The following CERCAM variants were observed in gnomAD, a reference collection of about 807,000 sequenced individuals.
CERCAM encodes inactive glycosyltransferase 25 family member 3.
CERCAM carries 59 observed loss-of-function variants against 66.0 expected under a neutral mutation model. The ratio of observed to expected loss-of-function variants is 0.89; its 90% CI spans 0.73 to 1.11. The LOEUF is 1.11. Among genes scored for constraint, CERCAM ranks in the 50% most tolerant of loss-of-function variants. The pLI is 0.00. For missense variants in CERCAM, 840 were observed against 828.3 expected, an observed-to-expected ratio of 1.01 and a Z score of -0.17; for synonymous variants, 318 against 343.6, an observed-to-expected ratio of 0.93 and a Z score of 0.83.
rs1833796940 is a variant in CERCAM, at chr9:128,424,627, C to T, written c.766+13C>T. On this transcript the variant is annotated intron_variant, in intron 5 of 12. Transcript: ENST00000372838. ...TGCCAGGCTGCTGGTGAGGACCAGC[C>T]CTCCTTTAGCATTCCTTGGAGGCCT... is the stretch of plus-strand genomic sequence containing the variant. 6.2e-6 allele frequency: 10 copies of T among 1,611,600 alleles called. No homozygotes were observed. Among genetic ancestry groups the T allele is most frequent in the Non-Finnish European group, 8.5e-6 (10 of 1,178,292 alleles).
At chr9:128,427,390 G>A (rs1192729730) in intron 5 of CERCAM, among the ~76,000 whole-genome samples, 1 of 152,056 alleles carries the variant, frequency 6.6e-6, no homozygotes, top group Non-Finnish European at 1.5e-5. Context: ...TGGGATTACA[G>A]GCGTGAGCTA....
chr9:128,433,649 A>T (rs1588628610), intron 9 of CERCAM, among the ~76,000 whole-genome samples: 1 of 151,204 alleles, frequency 6.6e-6, no homozygotes, highest in East Asian at 2.0e-4. Context: ...TCAAAAAAAA[A>T]GGAAAATTGC....
Position 128,428,924 on chromosome 9 carries a change from C to T in CERCAM, c.964-6C>T, listed in dbSNP as rs1833910974. The T allele has an allele frequency of 6.2e-7, 1 of 1,608,646 alleles. No homozygotes were observed. Among genetic ancestry groups the T allele is most frequent in the Admixed American group, 1.7e-5 (1 of 59,248 alleles). ...CACTTACCGCCCACCCCCCTGCCTC[C>T]TCCAGGTCTTTGTCATCAGCCTGGC... On this transcript the variant is annotated splice_region_variant and splice_polypyrimidine_tract_variant and intron_variant, in intron 7 of 12. Transcript: ENST00000372838.
In CERCAM at chr9:128,428,976, T is replaced by C; in HGVS notation, c.1010T>C (p.Met337Thr). The C allele has an allele frequency of 6.2e-7, 1 of 1,611,688 alleles. No individual in the cohort carries two copies. The highest frequency in any genetic ancestry group is 8.5e-7 in the Non-Finnish European group (1 of 1,179,352). The part of the protein sequence containing the change: ...LARRPDRRER[M>T]LASLWEMEIS... ...CGCAGGCCTGACCGTCGGGAACGCA[T>C]GCTCGCCTCGCTCTGGGAGATGGAG... Residue 337 changes from methionine (M) to threonine (T), a missense_variant, in exon 8 of 13, where the codon ATG becomes ACG. Met to Thr is a moderately conservative substitution (Grantham distance 81). Transcript: ENST00000372838.
chr9:128,430,719 CAG>C (rs199783319), intron 8 of CERCAM: 405 of 159,788 alleles, frequency 2.5e-3, no homozygotes, highest in Middle Eastern at 0.013. Flanking sequence ...GTTATCCTCT[CAG>C]AACTCCCGAG....
chr9:128,433,954 C>A, intron 9 of CERCAM, 148 bp from the exon 10 acceptor site: 1 of 981,092 alleles, frequency 1.0e-6, no homozygotes, highest in Non-Finnish European at 1.5e-6. Context: ...TTTCCGGTCC[C>A]AGGCAGTGGG....
At chr9:128,429,724 C>T (rs867950521) in intron 8 of CERCAM, among the ~76,000 whole-genome samples, 16 of 152,158 alleles carry the variant, frequency 1.1e-4, no homozygotes, top group African/African-American at 3.9e-4. Context: ...AGTAATCCTC[C>T]CACCTCAGCC....
In CERCAM at chr9:128,422,945, C is replaced by T. The variant is rs765727752; in HGVS notation, c.275C>T (p.Ala92Val). 2 of 1,613,704 alleles carry T rather than the reference C, an allele frequency of 1.2e-6. No individual in the cohort carries two copies. The highest frequency in any genetic ancestry group is 2.7e-5 in the African/African-American group (2 of 74,908). The change falls in exon 2 of 13, where the codon GCT (alanine) becomes GTT (valine). Residue 92 changes from alanine (A) to valine (V), a missense_variant. Transcript: ENST00000372838. ...EWLAAVGDDY[A>V]AVVWRPEGEP... is the part of the protein sequence containing the mutation. ...CTGGCGGCTGTGGGCGATGACTATG[C>T]TGCTGTGGTCTGGAGGCCTGAGGGC...
In CERCAM at chr9:128,434,980, TTTTA is replaced by T. The variant is rs138385880; in HGVS notation, c.1535+395_1535+398del. 0.99 allele frequency among the ~76,000 whole-genome samples: 141,428 copies of T among 142,302 alleles called. 70,288 individuals are homozygous for T. The highest frequency in any genetic ancestry group is 1 in the South Asian group (4,117 of 4,120). 93.4% of individuals were successfully genotyped at this position (142,302 alleles called of 152,430 possible). A position where few individuals can be genotyped will look rare whatever the true frequency, so the allele number is the denominator to read the frequency against. ...GGAAGTGCCACCACACCCTGCTAAT[TTTTA>T]TTTATTTATTTATTTATTTATTTAT... On this transcript the variant is annotated intron_variant, in intron 11 of 12. Coordinates refer to ENST00000372838, the MANE Select transcript of CERCAM (RefSeq NM_016174.5). The surrounding 1 kb of genome is among the most constrained non-coding windows in gnomAD (Gnocchi z 4.5).
chr9:128,436,633 G>A (rs988206988), intron 12 of CERCAM, among the ~76,000 whole-genome samples: 2 of 152,074 alleles, frequency 1.3e-5, no homozygotes, highest in Non-Finnish European at 2.9e-5. Context: ...AGCCGTCTCG[G>A]TCTCCCAAAG....
chr9:128,428,192 C>T, intron 5 of CERCAM, 110 bp from the exon 6 acceptor site: 1 of 1,320,122 alleles, frequency 7.6e-7, no homozygotes, highest in Non-Finnish European at 1.0e-6. Context: ...AACTGAGTCC[C>T]AGAGAAGACT....
chr9:128,422,613 C>T (rs1833736793), intron 1 of CERCAM: 1 of 472,580 alleles, frequency 2.1e-6, no homozygotes. Flanking sequence ...ATGACATAAG[C>T]AGGACAGCTT....
chr9:128,424,174 A>G lies in CERCAM; in HGVS notation c.463A>G (p.Thr155Ala), dbSNP rs1419729140. The G allele has an allele frequency of 3.1e-6, 5 of 1,613,816 alleles. No individual in the cohort carries two copies. The highest frequency in any genetic ancestry group is 2.2e-5 in the East Asian group (1 of 44,850). The change falls in exon 4 of 13, where the codon ACT becomes GCT. Residue 155 changes from threonine to alanine, a missense_variant. Physicochemically the swap from Thr to Ala is moderately conservative, Grantham distance 58 (BLOSUM62 0). Coordinates refer to ENST00000372838, the MANE Select transcript of CERCAM (RefSeq NM_016174.5). ...AGACAACATTCTGACCAACAATCAG[A>G]CTCTGCGGCTTCTCATGGGGCAGGG... is the stretch of plus-strand genomic sequence containing the variant. ...DTDNILTNNQ[T>A]LRLLMGQGLP... is the part of the protein sequence containing the mutation.
At chr9:128,426,719 C>T (rs1007362954) in intron 5 of CERCAM, among the ~76,000 whole-genome samples, 8 of 151,988 alleles carry the variant, frequency 5.3e-5, no homozygotes, top group East Asian at 1.9e-4. Context: ...TATGTAATTC[C>T]GACCCTGAAG....
At chr9:128,422,729 C>A in intron 1 of CERCAM, 139 bp from the exon 2 acceptor site, 2 of 951,982 alleles carry the variant, frequency 2.1e-6, no homozygotes, top group Non-Finnish European at 3.1e-6. Flanking sequence ...TGCCTCCAGC[C>A]TCTCTGCTGT....
At chr9:128,435,499 G>A (rs552337343) in intron 11 of CERCAM, among the ~76,000 whole-genome samples, 154 bp from the exon 12 acceptor site, 1 of 152,304 alleles carries the variant, frequency 6.6e-6, no homozygotes, top group Non-Finnish European at 1.5e-5. Flanking sequence ...GGAAAATGGA[G>A]GTAGTAGAAG....
chr9:128,421,050 A>AC lies in CERCAM; in HGVS notation c.178dup (p.Arg60ProfsTer31). On this transcript the variant is annotated frameshift_variant, in exon 1 of 13. Transcript: ENST00000372838. LOFTEE classifies it high-confidence loss of function. ...CTGGGCGCTCTGGAGCGGCTGGACTACCCCCGGGCCAGGATGGCCCTCTGG... is the reference window on the plus strand; with the variant it reads ...CTGGGCGCTCTGGAGCGGCTGGACTACCCCCCGGGCCAGGATGGCCCTCTGG... 1 of 1,377,616 alleles carries AC rather than the reference A, an allele frequency of 7.3e-7. No individual in the cohort carries two copies. The highest frequency in any genetic ancestry group is 9.4e-7 in the Non-Finnish European group (1 of 1,064,192). 85.3% of individuals were successfully genotyped at this position (1,377,616 alleles called of 1,614,324 possible).
intron 5 of CERCAM, 116 bp from the exon 6 acceptor site, chr9:128,428,184 CTG>C (rs1403722240): frequency 3.3e-6 from 4 of 1,225,410 alleles, no homozygotes; most frequent in Non-Finnish European, 4.5e-6. Context: ...GGTGGGGAAA[CTG>C]AGTCCCAGAG....
intron 5 of CERCAM, among the ~76,000 whole-genome samples, chr9:128,426,885 C>A (rs1833858812): frequency 6.6e-6 from 1 of 152,154 alleles, no homozygotes; most frequent in Admixed American, 6.5e-5. Context: ...AAGAAGAAAT[C>A]TTACCAAGTG....
Sources: gnomAD v4.1 joint callset for allele counts (sites outside exome capture counted in the v4.1 genomes callset) on GRCh38, gnomAD v4.1.1 for gene constraint, Gnocchi (gnomAD v3.1) non-coding constraint, MANE v1.5 for transcripts, NCBI Gene and HGNC (gene_info 2026-07-23, HGNC 2026-07-21) for gene names.